Variants in XPA observed in about 807,000 individuals in gnomAD.
The protein encoded by XPA is XPA, DNA damage recognition and repair factor.
A neutral mutation model predicts 35.7 loss-of-function variants in XPA; 27 were observed. The observed-to-expected ratio is 0.76, with a 90% CI of 0.56 to 1.04. The LOEUF (loss-of-function observed/expected upper bound fraction) is 1.04. Ranked by LOEUF, XPA falls within the 50% of genes least tolerant of loss-of-function variation. XPA has a pLI of 0.00. For synonymous variants in XPA, 133 were observed against 118.4 expected, an observed-to-expected ratio of 1.12 and a Z score of -0.80; for missense variants, 354 against 342.7, an observed-to-expected ratio of 1.03 and a Z score of -0.26.
intron 5 of XPA, chr9:97,682,543 C>A: frequency 4.3e-6 from 2 of 464,246 alleles, no homozygotes; most frequent in Non-Finnish European, 4.3e-6. Context: ...TATTCATATG[C>A]ACAAAAGCAG....
rs2131406163 is a variant in XPA at position 97,693,725 on chromosome 9, A to T, written c.207T>A (p.Ile69=). Residue 69 remains isoleucine (I), a synonymous_variant, in exon 2 of 6, where the codon ATT becomes ATA. Transcript: ENST00000375128. ...CTAAAATGAAGCCTCCTCCTGTGTCAATTATCTTTGGGGCTGCTTTTACAT... is the reference window on the plus strand; with the variant it reads ...CTAAAATGAAGCCTCCTCCTGTGTCTATTATCTTTGGGGCTGCTTTTACAT... ...MANVKAAPKI[I]DTGGGFILEE... The T allele has an allele frequency of 1.2e-6, 2 of 1,613,348 alleles. No homozygotes were observed. The highest frequency in any genetic ancestry group is 1.7e-6 in the Non-Finnish European group (2 of 1,179,922).
At chr9:97,658,514 C>T in the XPA span, 43 of 694,502 alleles carry the variant, frequency 6.2e-5, no homozygotes, top group Middle Eastern at 5.1e-4. Context: ...TTTTTTTTTC[C>T]CTTTCACTTC....
chr9:97,669,275 C>A, the XPA span, among the ~76,000 whole-genome samples: 1 of 151,862 alleles, frequency 6.6e-6, no homozygotes, highest in Admixed American at 6.6e-5. Flanking sequence ...GATCATTTTC[C>A]TTCCATGAAC....
downstream of XPA, among the ~76,000 whole-genome samples, chr9:97,674,001 T>TTAAC (rs1389789324): frequency 1.3e-5 from 2 of 152,234 alleles, no homozygotes; most frequent in African/African-American, 4.8e-5. Flanking sequence ...GTTCACCCTA[T>TTAAC]TAACTACTTC....
At chr9:97,669,555 T>A in the XPA span, 34 of 1,406,670 alleles carry the variant, frequency 2.4e-5, no homozygotes, top group Non-Finnish European at 8.1e-6. Context: ...TATAAGATTC[T>A]GTCTGTAGTA....
intron 5 of XPA, chr9:97,682,383 C>A (rs1828574093): frequency 1.9e-6 from 1 of 518,860 alleles, no homozygotes; most frequent in Non-Finnish European, 3.8e-6. Flanking sequence ...ACAGTGTCTA[C>A]TCCAGTCTCA....
chr9:97,667,187 A>G, the XPA span, among the ~76,000 whole-genome samples: 1 of 152,128 alleles, frequency 6.6e-6, no homozygotes, highest in Non-Finnish European at 1.5e-5. Context: ...GGACACTTGT[A>G]TTTCTGTAGG....
downstream of XPA, chr9:97,671,039 T>C (rs1156828449): frequency 1.6e-6 from 2 of 1,276,542 alleles, no homozygotes; most frequent in African/African-American, 3.0e-5. Context: ...ACAAGATTGC[T>C]TATATGCTTT....
chr9:97,655,811 A>G, the XPA span: 4 of 1,522,624 alleles, frequency 2.6e-6, no homozygotes, highest in East Asian at 2.3e-5. Flanking sequence ...AAAAACTACT[A>G]ATGTTTAAAA....
chr9:97,678,123 G>A (rs2131383124), intron 5 of XPA, among the ~76,000 whole-genome samples: 1 of 152,282 alleles, frequency 6.6e-6, no homozygotes, highest in Admixed American at 6.5e-5. Flanking sequence ...ACATAAGGCT[G>A]GGCATGGTGG....
Position 97,675,230 on chromosome 9 carries a change from G to A in XPA, c.*209C>T, listed in dbSNP as rs1828316274. Reference sequence around the variant, plus strand: ...GTTGTAAGAAGGCAATCACAGACATGACATTGTGCACACAACCAGGCCAGG... The same window carrying A: ...GTTGTAAGAAGGCAATCACAGACATAACATTGTGCACACAACCAGGCCAGG... On this transcript the variant is annotated 3_prime_UTR_variant, in exon 6 of 6. Coordinates refer to ENST00000375128, the MANE Select transcript of XPA (RefSeq NM_000380.4). 1 of 671,958 alleles carries A rather than the reference G, an allele frequency of 1.5e-6. No homozygotes were observed. The highest frequency in any genetic ancestry group is 2.7e-6 in the Non-Finnish European group (1 of 372,462). The allele number at this position is 671,958 out of a possible 1,614,324, so 41.6% of individuals were successfully genotyped here.
chr9:97,658,050 G>A, the XPA span, among the ~76,000 whole-genome samples: 4 of 151,074 alleles, frequency 2.6e-5, no homozygotes, highest in Non-Finnish European at 5.9e-5. Context: ...TTTATTCATG[G>A]AGCCCTAGTT....
chr9:97,697,023 G>A, intron 1 of XPA, 98 bp downstream of exon 1: 1 of 1,418,590 alleles, frequency 7.0e-7, no homozygotes. Context: ...CAGCGGAGTT[G>A]ACGCGACCCC....
the XPA span, chr9:97,663,035 G>T: frequency 3.1e-6 from 5 of 1,609,836 alleles, no homozygotes; most frequent in Non-Finnish European, 4.2e-6. Flanking sequence ...AGGTCTGGAG[G>T]AACCATCCAC....
In XPA at chr9:97,675,543, T is replaced by C. The variant is rs1564036327; in HGVS notation, c.718A>G (p.Ile240Val). Reference sequence around the variant, plus strand: ...GGTCCATACTCATGTTGATGAACAATCGTCTCCCTTTTCCACACGCTGCTT... The same window carrying C: ...GGTCCATACTCATGTTGATGAACAACCGTCTCCCTTTTCCACACGCTGCTT... ...VRSSVWKRET[I>V]VHQHEYGPEE... The change falls in exon 6 of 6, where the codon ATT (isoleucine) becomes GTT (valine). Residue 240 changes from isoleucine to valine, a missense_variant. Transcript: ENST00000375128. 6.2e-7 allele frequency: 1 copy of C among 1,614,014 alleles called. No individual in the cohort carries two copies. The highest frequency in any genetic ancestry group is 1.7e-5 in the Admixed American group (1 of 60,000).
chr9:97,677,908 A>G (rs1323399001), intron 5 of XPA, among the ~76,000 whole-genome samples: 1 of 152,140 alleles, frequency 6.6e-6, no homozygotes, highest in Non-Finnish European at 1.5e-5. Context: ...GCTTTGATCA[A>G]GTCACTATAT....
the XPA span, chr9:97,669,694 G>T: frequency 6.3e-7 from 1 of 1,594,072 alleles, no homozygotes; most frequent in Non-Finnish European, 8.6e-7. Context: ...GGCTGCAGCA[G>T]ATCTTCCTAC....
the XPA span, chr9:97,666,655 G>C: frequency 1.5e-6 from 1 of 667,068 alleles, no homozygotes. Context: ...CAGCCCCAAG[G>C]ACAGAAGGCT....
At position 97,697,186 on chromosome 9, in the gene XPA, A is replaced by C. The variant is rs1829079091; in HGVS notation, c.107T>G (p.Leu36Arg). ...AGCCAGCCGGGCCTGGCGCAGCATCAGTGCCCGCTGCCGCTTCCGCTCGAT... is the reference window on the plus strand; with the variant it reads ...AGCCAGCCGGGCCTGGCGCAGCATCCGTGCCCGCTGCCGCTTCCGCTCGAT... Reference protein sequence around the residue: ...ASIERKRQRALMLRQARLAAR... With the variant: ...ASIERKRQRARMLRQARLAAR... The change falls in exon 1 of 6, where the codon CTG (leucine) becomes CGG (arginine). Residue 36 changes from leucine to arginine, a missense_variant. Coordinates refer to ENST00000375128, the MANE Select transcript of XPA (RefSeq NM_000380.4). 6.3e-7 allele frequency: 1 copy of C among 1,595,270 alleles called. No individual in the cohort carries two copies.
Sources: allele counts gnomAD v4.1 joint callset (sites outside exome capture counted in the v4.1 genomes callset), GRCh38; gene constraint gnomAD v4.1.1; transcripts MANE v1.5; gene names NCBI Gene and HGNC (gene_info 2026-07-23, HGNC 2026-07-21).